Variants in SYNDIG1 observed in about 807,000 individuals in gnomAD.
The protein encoded by SYNDIG1 is synapse differentiation inducing 1, also known as synapse differentiation-inducing gene protein 1.
A neutral mutation model predicts 19.4 loss-of-function variants in SYNDIG1; 9 were observed. That is an observed-to-expected ratio of 0.46 (90% CI 0.28 to 0.81). SYNDIG1 has a LOEUF of 0.81. SYNDIG1 is among the 30% of genes least tolerant of loss of function. The pLI is 0.12. For missense variants in SYNDIG1, 311 were observed against 343.3 expected (o/e 0.91, Z 0.74); for synonymous variants, 141 against 145.9 (o/e 0.97, Z 0.24).
chr20:24,636,427 T>C (rs747242991), intron 3 of SYNDIG1, among the ~76,000 whole-genome samples: 7 of 152,204 alleles, frequency 4.6e-5, no homozygotes, highest in Non-Finnish European at 1.0e-4. Flanking sequence ...TTCTAGTCCA[T>C]GGCAAAGTAC....
chr20:24,548,041 A>G (rs553435780), intron 2 of SYNDIG1, among the ~76,000 whole-genome samples: 1 of 152,278 alleles, frequency 6.6e-6, no homozygotes, highest in South Asian at 2.1e-4. Context: ...GGGAACGCTC[A>G]TCGATGGAGC....
At chr20:24,497,436 A>G (rs2056331489) in intron 1 of SYNDIG1, among the ~76,000 whole-genome samples, 2 of 152,268 alleles carry the variant, frequency 1.3e-5, no homozygotes, top group East Asian at 3.9e-4. Context: ...CCTGGCCTCA[A>G]GAGATCTGCC....
At position 24,528,591 on chromosome 20, in the gene SYNDIG1, C is replaced by T. The variant is rs1011197099; in HGVS notation, c.-78-14429C>T. 3.3e-5 allele frequency among the ~76,000 whole-genome samples: 5 copies of T among 152,264 alleles called. No individual in the cohort carries two copies. In the East Asian group the frequency reaches 5.8e-4, roughly 18 times the overall value. ...ACACTGTGTGCTCACATGGCAGAAG[C>T]TCAAGAAGGGGCTAACTCTCCCCCT... is the stretch of plus-strand genomic sequence containing the variant. On this transcript the variant is annotated intron_variant, in intron 1 of 3. Transcript: ENST00000376862.
At chr20:24,587,517 C>T (rs946940095) in intron 3 of SYNDIG1, among the ~76,000 whole-genome samples, 12 of 152,276 alleles carry the variant, frequency 7.9e-5, no homozygotes, top group Admixed American at 5.2e-4. Flanking sequence ...GCCCGCACCG[C>T]AGATGCGTGG....
chr20:24,600,604 T>C (rs943603873), intron 3 of SYNDIG1, among the ~76,000 whole-genome samples: 4 of 147,276 alleles, frequency 2.7e-5, no homozygotes, highest in Admixed American at 2.7e-4. Context: ...CATCTTTCTT[T>C]CTTTTTTTTT....
intron 3 of SYNDIG1, among the ~76,000 whole-genome samples, chr20:24,631,658 T>C (rs1353647407): frequency 1.3e-5 from 2 of 152,222 alleles, no homozygotes; most frequent in African/African-American, 4.8e-5. Flanking sequence ...CATCTGAGCA[T>C]TGAGGAATCT....
At chr20:24,549,539 G>A (rs577166851) in intron 2 of SYNDIG1, among the ~76,000 whole-genome samples, 1 of 152,342 alleles carries the variant, frequency 6.6e-6, no homozygotes, top group African/African-American at 2.4e-5. Context: ...CAGAAGGGCA[G>A]GTGCAGAGGC....
chr20:24,516,918 T>C (rs1346683442), intron 1 of SYNDIG1, among the ~76,000 whole-genome samples: 2 of 152,138 alleles, frequency 1.3e-5, no homozygotes, highest in Admixed American at 6.5e-5. Flanking sequence ...CCATCAATGA[T>C]AGACTGGATT....
chr20:24,605,929 T>A (rs563154756), intron 3 of SYNDIG1, among the ~76,000 whole-genome samples: 2 of 152,368 alleles, frequency 1.3e-5, no homozygotes, highest in East Asian at 1.9e-4. Context: ...TGATCATTTT[T>A]CTTTAAATGA....
At chr20:24,612,716 A>G (rs1269764923) in intron 3 of SYNDIG1, among the ~76,000 whole-genome samples, 7 of 152,206 alleles carry the variant, frequency 4.6e-5, no homozygotes, top group Non-Finnish European at 1.0e-4. Context: ...AAAAGTGTGC[A>G]TGAAGGGTTC....
At chr20:24,651,578 T>G (rs1457849633) in intron 3 of SYNDIG1, among the ~76,000 whole-genome samples, 2 of 152,188 alleles carry the variant, frequency 1.3e-5, no homozygotes, top group African/African-American at 4.8e-5. Context: ...ATTAGAAGTC[T>G]AATACAAAAT....
intron 3 of SYNDIG1, among the ~76,000 whole-genome samples, chr20:24,608,304 A>T (rs1370048666): frequency 1.3e-5 from 2 of 151,438 alleles, no homozygotes; most frequent in African/African-American, 4.9e-5. Flanking sequence ...TCAGCCTCCC[A>T]AGTAGCTGGG....
chr20:24,470,510 C>CT (rs1015631052), intron 1 of SYNDIG1, among the ~76,000 whole-genome samples: 4 of 152,154 alleles, frequency 2.6e-5, no homozygotes, highest in Non-Finnish European at 5.9e-5. Context: ...AGCACATACG[C>CT]TTTTTTGGTT....
chr20:24,538,962 G>C (rs780389605), intron 1 of SYNDIG1, among the ~76,000 whole-genome samples: 25 of 151,910 alleles, frequency 1.6e-4, no homozygotes, highest in Non-Finnish European at 2.5e-4. Flanking sequence ...ATTTTTTGTT[G>C]TTGAGTTTTA....
intron 2 of SYNDIG1, among the ~76,000 whole-genome samples, chr20:24,545,513 T>TA (rs2057558615): frequency 6.6e-6 from 1 of 152,142 alleles, no homozygotes; most frequent in Admixed American, 6.5e-5. Context: ...GGGAATGGAA[T>TA]ACCCCATCAG....
intron 3 of SYNDIG1, among the ~76,000 whole-genome samples, chr20:24,615,910 T>C (rs2058925660): frequency 1.5e-5 from 2 of 133,554 alleles, no homozygotes; most frequent in Admixed American, 8.7e-5. Flanking sequence ...CGAGCCTGGG[T>C]GGAAAATTAG....
chr20:24,557,979 C>T (rs1600621335), intron 2 of SYNDIG1, among the ~76,000 whole-genome samples: 1 of 152,176 alleles, frequency 6.6e-6, no homozygotes, highest in Non-Finnish European at 1.5e-5. Context: ...GAGATGGGAG[C>T]TCAGTCTCAA....
chr20:24,580,694 C>T (rs983579986), intron 2 of SYNDIG1, among the ~76,000 whole-genome samples: 2 of 152,162 alleles, frequency 1.3e-5, no homozygotes, highest in Non-Finnish European at 2.9e-5. Flanking sequence ...CAGGTGTGAA[C>T]AACCATGCCC....
At chr20:24,640,267 G>C (rs1457658962) in intron 3 of SYNDIG1, among the ~76,000 whole-genome samples, 3 of 151,778 alleles carry the variant, frequency 2.0e-5, no homozygotes, top group Non-Finnish European at 4.4e-5. Flanking sequence ...AGAGTTTGCA[G>C]AGAGCCAAGA....
Sources: allele counts gnomAD v4.1 joint callset (sites outside exome capture counted in the v4.1 genomes callset), GRCh38; gene constraint gnomAD v4.1.1; transcripts MANE v1.5; gene names NCBI Gene and HGNC (gene_info 2026-07-23, HGNC 2026-07-21).